Variants in RABGAP1L observed in about 807,000 individuals in gnomAD.
The protein encoded by RABGAP1L is rab GTPase-activating protein 1-like.
A neutral mutation model predicts 137.7 loss-of-function variants in RABGAP1L; 63 were observed. That is an observed-to-expected ratio of 0.46 (90% CI 0.37 to 0.56). The LOEUF is 0.56. Ranked by LOEUF, RABGAP1L falls within the 20% of genes least tolerant of loss-of-function variation. RABGAP1L has a pLI of 0.00. For synonymous variants in RABGAP1L, 431 were observed against 433.7 expected, an observed-to-expected ratio of 0.99 and a Z score of 0.08; for missense variants, 1,095 against 1,244.0, an observed-to-expected ratio of 0.88 and a Z score of 1.80.
chr1:174,371,989 T>G (rs1685148122), intron 12 of RABGAP1L, among the ~76,000 whole-genome samples: 1 of 152,126 alleles, frequency 6.6e-6, no homozygotes, highest in African/African-American at 2.4e-5. Context: ...GAGATTAGGT[T>G]TATCAAATTT....
intron 13 of RABGAP1L, among the ~76,000 whole-genome samples, chr1:174,584,590 G>A (rs988275168): frequency 6.6e-6 from 1 of 152,174 alleles, no homozygotes. Flanking sequence ...TTAGCTAGGT[G>A]ACAGAGTGAG....
intron 13 of RABGAP1L, among the ~76,000 whole-genome samples, chr1:174,488,072 C>T (rs1330718398): frequency 6.6e-6 from 1 of 152,018 alleles, no homozygotes; most frequent in Non-Finnish European, 1.5e-5. Flanking sequence ...ACCACAGTTA[C>T]AGTTTTATAA....
intron 17 of RABGAP1L, among the ~76,000 whole-genome samples, chr1:174,749,572 T>C (rs771987290): frequency 6.6e-6 from 1 of 152,108 alleles, no homozygotes; most frequent in Non-Finnish European, 1.5e-5. Flanking sequence ...GATTGGCAAT[T>C]GGTTGAAAGA....
intron 13 of RABGAP1L, among the ~76,000 whole-genome samples, chr1:174,506,180 C>G (rs1233163902): frequency 6.6e-6 from 1 of 152,080 alleles, no homozygotes; most frequent in Non-Finnish European, 1.5e-5. Flanking sequence ...AAAAATTTCA[C>G]TTTTATAGGA....
intron 5 of RABGAP1L, chr1:174,245,643 T>C (rs1284565613): frequency 1.5e-5 from 2 of 135,530 alleles, no homozygotes; most frequent in Non-Finnish European, 3.2e-5. Flanking sequence ...GTGAACTTTT[T>C]ATTTTTTTTT....
intron 19 of RABGAP1L, among the ~76,000 whole-genome samples, chr1:174,944,505 C>T (rs557272556): frequency 2.0e-5 from 3 of 151,856 alleles, no homozygotes; most frequent in African/African-American, 4.8e-5. Context: ...GGCTTGGTGA[C>T]TTACACCTGT....
intron 1 of RABGAP1L, among the ~76,000 whole-genome samples, chr1:174,213,922 A>G (rs1281244361): frequency 6.6e-6 from 1 of 152,240 alleles, no homozygotes; most frequent in Non-Finnish European, 1.5e-5. Flanking sequence ...TTTCTCTGAG[A>G]TTGATAACAC....
chr1:174,506,832 A>AT (rs1454981724), intron 13 of RABGAP1L, among the ~76,000 whole-genome samples: 2 of 152,168 alleles, frequency 1.3e-5, no homozygotes, highest in African/African-American at 2.4e-5. Context: ...AATAATAGTA[A>AT]TAAAAAAAAC....
chr1:174,592,846 A>T (rs1441651445), intron 13 of RABGAP1L, among the ~76,000 whole-genome samples: 2 of 71,040 alleles, frequency 2.8e-5, no homozygotes, highest in Non-Finnish European at 4.7e-5. Context: ...CGGCTTTGGT[A>T]TCAGAATGAT....
chr1:174,898,583 T>C (rs1269367302), intron 19 of RABGAP1L, among the ~76,000 whole-genome samples: 1 of 152,194 alleles, frequency 6.6e-6, no homozygotes, highest in Non-Finnish European at 1.5e-5. Context: ...TTGACATTCT[T>C]ATCAGATTTT....
intron 13 of RABGAP1L, among the ~76,000 whole-genome samples, chr1:174,565,203 G>A (rs1667488984): frequency 6.6e-6 from 1 of 152,084 alleles, no homozygotes; most frequent in Non-Finnish European, 1.5e-5. Context: ...TTTTATGCAT[G>A]AGAACATAAA....
rs149684156 is a variant in RABGAP1L, at chr1:174,801,956, A to G, written c.2212-9876A>G. On this transcript the variant is annotated intron_variant, in intron 18 of 25. Transcript: ENST00000681986. ...CAACTTTGTGACTCAAAGGCTTCCA[A>G]TGGTAACTTTCCAGTAATTTGGTGC... Among the ~76,000 whole-genome samples, 822 of 152,314 alleles carry G rather than the reference A, an allele frequency of 5.4e-3. 3 individuals are homozygous for G. Among genetic ancestry groups the G allele is most frequent in the Non-Finnish European group, 8.6e-3 (582 of 68,024 alleles).
chr1:174,868,806 G>C (rs1651718259), intron 19 of RABGAP1L, among the ~76,000 whole-genome samples: 1 of 152,012 alleles, frequency 6.6e-6, no homozygotes. Context: ...GCCCCACCCA[G>C]GCCTCCCTAT....
At chr1:174,957,739 T>C (rs1668710521) in intron 20 of RABGAP1L, 190 bp downstream of exon 20, 7 of 879,458 alleles carry the variant, frequency 8.0e-6, no homozygotes, top group Non-Finnish European at 1.3e-5. Context: ...TTTTTTTTTT[T>C]TTTTTTTCTT....
chr1:174,298,190 C>T (rs1049991269), intron 10 of RABGAP1L, among the ~76,000 whole-genome samples: 15 of 152,138 alleles, frequency 9.9e-5, no homozygotes, highest in Non-Finnish European at 1.0e-4. Flanking sequence ...TAGCAGATAC[C>T]CAGGGTACCT....
intron 15 of RABGAP1L, among the ~76,000 whole-genome samples, chr1:174,689,538 T>C (rs1045906030): frequency 6.6e-6 from 1 of 152,158 alleles, no homozygotes; most frequent in Non-Finnish European, 1.5e-5. Context: ...GTCTTAATTA[T>C]GTTAGTAGAC....
intron 17 of RABGAP1L, among the ~76,000 whole-genome samples, chr1:174,730,656 G>C (rs995021978): frequency 6.6e-6 from 1 of 152,160 alleles, no homozygotes; most frequent in Non-Finnish European, 1.5e-5. Flanking sequence ...CAGTGCCCCA[G>C]TGTGGGTTCA....
chr1:174,658,523 A>G (rs1056056470), intron 14 of RABGAP1L, among the ~76,000 whole-genome samples: 7 of 152,042 alleles, frequency 4.6e-5, no homozygotes, highest in East Asian at 1.9e-4. Context: ...TATATATCCA[A>G]TCTCTCATTA....
chr1:174,730,004 C>A (rs1165033917), intron 17 of RABGAP1L, among the ~76,000 whole-genome samples: 1 of 152,150 alleles, frequency 6.6e-6, no homozygotes, highest in Admixed American at 6.5e-5. Context: ...AAAAGACATA[C>A]ACTTACATGT....
Sources: allele counts gnomAD v4.1 joint callset (sites outside exome capture counted in the v4.1 genomes callset), GRCh38; gene constraint gnomAD v4.1.1; transcripts MANE v1.5; gene names NCBI Gene and HGNC (gene_info 2026-07-23, HGNC 2026-07-21).